Variants in FKBP14 observed in about 807,000 individuals in gnomAD.
The protein encoded by FKBP14 is peptidyl-prolyl cis-trans isomerase FKBP14.
Under a neutral mutation model 21.6 loss-of-function variants are expected in FKBP14, and 20 were observed. The ratio of observed to expected loss-of-function variants is 0.92; its 90% CI spans 0.65 to 1.34. The LOEUF is 1.34. FKBP14 is among the 40% of genes most tolerant of loss of function. The pLI, the probability that FKBP14 is intolerant of heterozygous loss-of-function variation, is 0.00. For missense variants in FKBP14, 253 were observed against 249.0 expected (o/e 1.02, Z -0.11); for synonymous variants, 79 against 86.7 (o/e 0.91, Z 0.49).
chr7:30,017,194 GA>G (rs1462734672), intron 3 of FKBP14, among the ~76,000 whole-genome samples: 1 of 151,430 alleles, frequency 6.6e-6, no homozygotes, highest in Non-Finnish European at 1.5e-5. Context: ...AAAACAGAAA[GA>G]AAGAAAAAAG....
At chr7:30,019,512 TAAAC>T (rs1216491142) in intron 2 of FKBP14, among the ~76,000 whole-genome samples, 1 of 152,138 alleles carries the variant, frequency 6.6e-6, no homozygotes, top group African/African-American at 2.4e-5. Context: ...TTAAAAGTAA[TAAAC>T]TAACTTTTTG....
chr7:30,014,728 T>C lies in FKBP14; in HGVS notation c.*7A>G. The C allele has an allele frequency of 1.3e-6, 2 of 1,553,118 alleles. No individual in the cohort carries two copies. Among genetic ancestry groups the C allele is most frequent in the Non-Finnish European group, 1.7e-6 (2 of 1,153,660 alleles). On this transcript the variant is annotated 3_prime_UTR_variant, in exon 4 of 4. Transcript: ENST00000222803. ...ATGAGTGCTATATTAAAAGGGTAGA[T>C]GTATCTCTATAACTCATCGTGTTTA...
rs759664399 is a variant in FKBP14, at chr7:30,014,833, G to T, written c.538C>A (p.His180Asn). ...KHGAVVNESH[H>N]DALVEDIFDK... ...AAAATATCCTCCACCAAAGCATCAT[G>T]ATGACTTTCATTCACCACCGCACCA... is the stretch of plus-strand genomic sequence containing the variant. Residue 180 changes from histidine to asparagine, a missense_variant, in exon 4 of 4, where the codon CAT becomes AAT. Physicochemically the swap from His to Asn is moderately conservative, Grantham distance 68. Transcript: ENST00000222803. 3 of 1,611,494 alleles carry T rather than the reference G, an allele frequency of 1.9e-6. No individual in the cohort carries two copies. The highest frequency in any genetic ancestry group is 1.7e-6 in the Non-Finnish European group (2 of 1,179,226).
At chr7:30,007,350 C>T (rs560793754), downstream of FKBP14, among the ~76,000 whole-genome samples, 1 of 152,072 alleles carries the variant, frequency 6.6e-6, no homozygotes, top group Non-Finnish European at 1.5e-5. Context: ...GCTGGGACTA[C>T]AAGCATGCAC....
downstream of FKBP14, among the ~76,000 whole-genome samples, chr7:30,009,874 C>G (rs1450176184): frequency 6.6e-6 from 1 of 151,650 alleles, no homozygotes; most frequent in Non-Finnish European, 1.5e-5. Flanking sequence ...TGGCGCATGC[C>G]TGTAATCCCA....
At chr7:30,015,871 C>T (rs1354330785) in intron 3 of FKBP14, among the ~76,000 whole-genome samples, 1 of 151,870 alleles carries the variant, frequency 6.6e-6, no homozygotes, top group Non-Finnish European at 1.5e-5. Context: ...GTGATCTGCC[C>T]GCCTCGGCCT....
In FKBP14 at chr7:30,013,787, A is replaced by G. The variant is rs1203953600; in HGVS notation, c.*948T>C. ...CACACATAAATGATTTGTCCTATTT[A>G]TCATAATAGGCCACCAATCACTAGG... On this transcript the variant is annotated 3_prime_UTR_variant, in exon 4 of 4. Transcript: ENST00000222803. The G allele has an allele frequency of 1.3e-5, 2 of 152,238 alleles. No individual in the cohort carries two copies. Among genetic ancestry groups the G allele is most frequent in the African/African-American group, 4.8e-5 (2 of 41,464 alleles). The allele number at this position is 152,238 out of a possible 1,614,324, so 9.4% of individuals were successfully genotyped here. A position where few individuals can be genotyped will look rare whatever the true frequency, so the allele number is the denominator to read the frequency against.
chr7:30,018,698 C>T (rs1362941178), intron 3 of FKBP14, among the ~76,000 whole-genome samples: 3 of 152,132 alleles, frequency 2.0e-5, no homozygotes, highest in Non-Finnish European at 4.4e-5. Context: ...CTTTCAAAGA[C>T]CCAAGGGTAA....
chr7:30,025,928 T>C (rs1027841309), intron 1 of FKBP14, among the ~76,000 whole-genome samples: 2 of 152,232 alleles, frequency 1.3e-5, no homozygotes, highest in African/African-American at 2.4e-5. Context: ...GAACATCACC[T>C]ACACCACATT....
At chr7:30,007,566 A>G (rs979774227), downstream of FKBP14, among the ~76,000 whole-genome samples, 2 of 152,154 alleles carry the variant, frequency 1.3e-5, no homozygotes, top group Non-Finnish European at 2.9e-5. Flanking sequence ...CTTTTGGCCT[A>G]TATACTCATT....
downstream of FKBP14, among the ~76,000 whole-genome samples, chr7:30,008,702 T>G (rs911426235): frequency 1.1e-3 from 149 of 131,376 alleles, 1 homozygote; most frequent in South Asian, 6.8e-3. Context: ...GCCGGCCAGG[T>G]GCGGTGGCTC....
intron 2 of FKBP14, chr7:30,022,442 C>T (rs913964808): frequency 7.0e-6 from 3 of 429,408 alleles, no homozygotes; most frequent in African/African-American, 6.0e-5. Flanking sequence ...TAATAGACCT[C>T]AATGTTCTTT....
chr7:30,009,166 A>G (rs1321969331), downstream of FKBP14, among the ~76,000 whole-genome samples: 1 of 152,038 alleles, frequency 6.6e-6, no homozygotes, highest in Non-Finnish European at 1.5e-5. Flanking sequence ...TTATTTTCCC[A>G]GGGTTATTAT....
rs1475726045 is a variant in FKBP14, at chr7:30,011,562, T to TAC, written c.*3171_*3172dup. The TAC allele has an allele frequency of 7.7e-5, 11 of 142,816 alleles. No homozygotes were observed. Among genetic ancestry groups the TAC allele is most frequent in the Non-Finnish European group, 1.1e-4 (7 of 66,344 alleles). The allele number at this position is 142,816 out of a possible 1,614,324, so 8.8% of individuals were successfully genotyped here. A position where few individuals can be genotyped will look rare whatever the true frequency, so the allele number is the denominator to read the frequency against. On this transcript the variant is annotated 3_prime_UTR_variant, in exon 4 of 4. Coordinates refer to ENST00000222803, the MANE Select transcript of FKBP14 (RefSeq NM_017946.4). ...TATATATATATACTATATATATATA[T>TAC]ACCATATATATGGTATATATATATA...
chr7:30,007,175 T>TA (rs1030630007), downstream of FKBP14, among the ~76,000 whole-genome samples: 2 of 151,046 alleles, frequency 1.3e-5, no homozygotes, highest in South Asian at 4.2e-4. Context: ...AAGAAGTAAT[T>TA]AAAAAAAAGA....
intron 1 of FKBP14, among the ~76,000 whole-genome samples, chr7:30,023,281 T>C (rs1246118728): frequency 6.6e-6 from 1 of 152,184 alleles, no homozygotes; most frequent in African/African-American, 2.4e-5. Context: ...GCCACTAGGT[T>C]GCAGAACAAG....
chr7:30,012,452 G>A lies in FKBP14; in HGVS notation c.*2283C>T, dbSNP rs886231466. On this transcript the variant is annotated 3_prime_UTR_variant, in exon 4 of 4. Coordinates refer to ENST00000222803, the MANE Select transcript of FKBP14 (RefSeq NM_017946.4). Reference sequence around the variant, plus strand: ...CCCTTCTCCCATCATAGAGTATAAGGCTGTCTGTATTATGGCTTAAAACAT... The same window carrying A: ...CCCTTCTCCCATCATAGAGTATAAGACTGTCTGTATTATGGCTTAAAACAT... 1 of 152,202 alleles carries A rather than the reference G, an allele frequency of 6.6e-6. No individual in the cohort carries two copies. The highest frequency in any genetic ancestry group is 2.4e-5 in the African/African-American group (1 of 41,442). 9.4% of individuals were successfully genotyped at this position (152,202 alleles called of 1,614,324 possible).
Position 30,014,760 on chromosome 7 carries a change from A to G in FKBP14, c.611T>C (p.Phe204Ser). ...CTATAACTCATCGTGTTTATATGTA[A>G]ATTCTCTGGCAGATATAAACCCATC... The part of the protein sequence containing the change: ...DKDGFISARE[F>S]TYKHDEL The change falls in exon 4 of 4, where the codon TTT (phenylalanine) becomes TCT (serine). Residue 204 changes from phenylalanine (F) to serine (S), a missense_variant. Transcript: ENST00000222803. 1 of 1,604,502 alleles carries G rather than the reference A, an allele frequency of 6.2e-7. No homozygotes were observed. The highest frequency in any genetic ancestry group is 8.5e-7 in the Non-Finnish European group (1 of 1,176,752).
In FKBP14 at chr7:30,022,817, C is replaced by G. The variant is rs1266011805; in HGVS notation, c.198-1G>C. 6.2e-7 allele frequency: 1 copy of G among 1,610,318 alleles called. No individual in the cohort carries two copies. The highest frequency in any genetic ancestry group is 8.5e-7 in the Non-Finnish European group (1 of 1,178,984). Reference sequence around the variant, plus strand: ...GGGCTGACCATTGTTATGTTTGTGACTATGATAGAAATAAAACACATTAGA... The same window carrying G: ...GGGCTGACCATTGTTATGTTTGTGAGTATGATAGAAATAAAACACATTAGA... On this transcript the variant is annotated splice_acceptor_variant, in intron 1 of 3. Coordinates refer to ENST00000222803, the MANE Select transcript of FKBP14 (RefSeq NM_017946.4). LOFTEE classifies it high-confidence loss of function.
Sources: gnomAD v4.1 joint callset for allele counts (sites outside exome capture counted in the v4.1 genomes callset) on GRCh38, gnomAD v4.1.1 for gene constraint, MANE v1.5 for transcripts, NCBI Gene and HGNC (gene_info 2026-07-23, HGNC 2026-07-21) for gene names.